GPR107: variants seen among roughly 807,000 people sequenced by gnomAD.
GPR107 encodes protein GPR107.
Under a neutral mutation model 75.5 loss-of-function variants are expected in GPR107, and 31 were observed. The ratio of observed to expected loss-of-function variants is 0.41; its 90% CI spans 0.31 to 0.55. The LOEUF is 0.55. Ranked by LOEUF, GPR107 falls within the 20% of genes least tolerant of loss-of-function variation. GPR107 has a pLI of 0.26. For missense variants in GPR107, 572 were observed against 665.7 expected (o/e 0.86, Z 1.55); for synonymous variants, 267 against 251.3 (o/e 1.06, Z -0.59).
chr9:130,066,775 G>C (rs931332512), intron 1 of GPR107, among the ~76,000 whole-genome samples: 5 of 152,128 alleles, frequency 3.3e-5, no homozygotes, highest in Non-Finnish European at 1.5e-5. Context: ...CACGAGGTCA[G>C]GAGATCGAGA....
intron 14 of GPR107, chr9:130,114,432 G>T (rs1452675656): frequency 5.6e-6 from 1 of 178,898 alleles, no homozygotes; most frequent in Non-Finnish European, 1.2e-5. Context: ...ACGCAGGCTG[G>T]AGTGCAGTGG....
At chr9:130,111,707 CAGTTTTCA>C (rs1394840035) in intron 14 of GPR107, among the ~76,000 whole-genome samples, 33 of 1,572 alleles carry the variant, frequency 0.021, no homozygotes, top group Admixed American at 0.14. Flanking sequence ...GGGGTGAATA[CAGTTTTCA>C]GTTTTGGGGT....
intron 14 of GPR107, among the ~76,000 whole-genome samples, chr9:130,111,916 T>G (rs1006429734): frequency 6.6e-6 from 1 of 152,166 alleles, no homozygotes; most frequent in African/African-American, 2.4e-5. Flanking sequence ...GACTCACAGC[T>G]GCACTGCATC....
chr9:130,060,983 G>C (rs79257881), intron 1 of GPR107, among the ~76,000 whole-genome samples: 126 of 152,310 alleles, frequency 8.3e-4, no homozygotes, highest in African/African-American at 3.0e-3. Context: ...TCACACAAAA[G>C]GAGTATGCAC....
chr9:130,102,309 G>A (rs1325991687), intron 12 of GPR107, among the ~76,000 whole-genome samples: 2 of 152,214 alleles, frequency 1.3e-5, no homozygotes, highest in Non-Finnish European at 2.9e-5. Context: ...AGGTCTCGGA[G>A]TTGTGAATGA....
rs940389995 is a variant in GPR107, at chr9:130,055,196, G to C, written c.141+1123G>C. On this transcript the variant is annotated intron_variant, in intron 1 of 17. Transcript: ENST00000347136. ...AGAAGTGGAACTGTAGGCGGGGCGC[G>C]GTGGCTCACGCCTGTAATCCTAGCA... is the stretch of plus-strand genomic sequence containing the variant. Among the ~76,000 whole-genome samples, 20 of 152,110 alleles carry C rather than the reference G, an allele frequency of 1.3e-4. No homozygotes were observed. In the South Asian group the frequency reaches 1.7e-3, roughly 13 times the overall value.
chr9:130,110,427 G>A (rs965277663), intron 14 of GPR107: 34 of 1,457,202 alleles, frequency 2.3e-5, no homozygotes, highest in Non-Finnish European at 2.8e-5. Context: ...AGTCGCATAG[G>A]TAAACCAGGG....
At chr9:130,056,740 A>G (rs750664481) in intron 1 of GPR107, among the ~76,000 whole-genome samples, 31 of 151,746 alleles carry the variant, frequency 2.0e-4, no homozygotes, top group Admixed American at 8.5e-4. Flanking sequence ...CCTGGCTAAC[A>G]AGGTGAAACC....
rs769839726 is a variant in GPR107 at position 130,074,589 on chromosome 9, G to T, written c.142-1047G>T. Among the ~76,000 whole-genome samples the T allele has an allele frequency of 4.1e-4, 63 of 152,034 alleles. 1 individual carries two copies. Among genetic ancestry groups the T allele is most frequent in the Admixed American group, 1.4e-3 (21 of 15,246 alleles). On this transcript the variant is annotated intron_variant, in intron 1 of 17. Coordinates refer to ENST00000347136, the MANE Select transcript of GPR107 (RefSeq NM_020960.5). Reference sequence around the variant, plus strand: ...GATGTTGAGACAGCATCAAGCAGGTGGGGTAGGCGTCTGCCCATGTGATTC... The same window carrying T: ...GATGTTGAGACAGCATCAAGCAGGTTGGGTAGGCGTCTGCCCATGTGATTC...
chr9:130,089,549 T>C (rs1830684941), intron 7 of GPR107, among the ~76,000 whole-genome samples: 1 of 152,194 alleles, frequency 6.6e-6, no homozygotes, highest in Admixed American at 6.5e-5. Context: ...CAGGGCTTAC[T>C]CCAACTCTAG....
At chr9:130,063,420 G>A (rs943916223) in intron 1 of GPR107, among the ~76,000 whole-genome samples, 4 of 152,202 alleles carry the variant, frequency 2.6e-5, no homozygotes, top group African/African-American at 9.6e-5. Context: ...TCAATCTCCT[G>A]ACCTCATGAT....
chr9:130,084,440 T>A (rs1221643587), intron 6 of GPR107, among the ~76,000 whole-genome samples: 1 of 146,456 alleles, frequency 6.8e-6, no homozygotes, highest in African/African-American at 2.7e-5. Flanking sequence ...AATTGTCTCC[T>A]ATTTTGGGGG....
chr9:130,114,338 C>T (rs1428999043), intron 14 of GPR107, among the ~76,000 whole-genome samples: 2 of 151,926 alleles, frequency 1.3e-5, no homozygotes, highest in South Asian at 2.1e-4. Context: ...CACTGCACTC[C>T]AGCCTGGGCC....
chr9:130,079,432 TC>T (rs1266230901), intron 4 of GPR107, among the ~76,000 whole-genome samples, 197 bp from the exon 5 acceptor site: 3 of 152,240 alleles, frequency 2.0e-5, no homozygotes, highest in Admixed American at 6.5e-5. Flanking sequence ...TCCAACTACT[TC>T]CTAGCTTGGT....
chr9:130,077,472 C>A, intron 4 of GPR107, 94 bp downstream of exon 4: 1 of 741,062 alleles, frequency 1.3e-6, no homozygotes, highest in South Asian at 1.5e-5. Flanking sequence ...CTGCCATGTG[C>A]CAGAGACCGT....
At position 130,062,631 on chromosome 9, in the gene GPR107, T is replaced by TGCC. The variant is rs1564657560; in HGVS notation, c.141+8558_141+8559insGCC. Among the ~76,000 whole-genome samples, 303 of 66,546 alleles carry TGCC rather than the reference T, an allele frequency of 4.6e-3. 2 individuals are homozygous for TGCC. Among genetic ancestry groups the TGCC allele is most frequent in the Admixed American group, 8.3e-3 (44 of 5,304 alleles). 43.7% of individuals were successfully genotyped at this position (66,546 alleles called of 152,430 possible). A position where few individuals can be genotyped will look rare whatever the true frequency, so the allele number is the denominator to read the frequency against. ...CTGCCTGCCTGCCTGCCTTCCTGCC[T>TGCC]TCCTGCCTGCCTGCCTGCCTGCCTG... On this transcript the variant is annotated intron_variant, in intron 1 of 17. Transcript: ENST00000347136.
intron 14 of GPR107, among the ~76,000 whole-genome samples, chr9:130,118,824 C>T (rs1278132971): frequency 6.6e-6 from 1 of 152,236 alleles, no homozygotes; most frequent in African/African-American, 2.4e-5. Context: ...TAAAGGAATT[C>T]TCCTCCACAT....
chr9:130,080,768 G>A (rs1830477342), intron 5 of GPR107, among the ~76,000 whole-genome samples: 1 of 148,990 alleles, frequency 6.7e-6, no homozygotes, highest in Non-Finnish European at 1.5e-5. Context: ...TGGGATTACA[G>A]GCGTGAGCCA....
At chr9:130,115,657 C>T (rs1019326861) in intron 14 of GPR107, among the ~76,000 whole-genome samples, 16 of 132,556 alleles carry the variant, frequency 1.2e-4, no homozygotes, top group African/African-American at 2.4e-4. Flanking sequence ...GCCAGCTACT[C>T]GGGAGGCTGA....
Sources: allele counts gnomAD v4.1 joint callset (sites outside exome capture counted in the v4.1 genomes callset), GRCh38; gene constraint gnomAD v4.1.1; transcripts MANE v1.5; gene names NCBI Gene and HGNC (gene_info 2026-07-23, HGNC 2026-07-21).